Variants in GPC4 observed in about 807,000 individuals in gnomAD.
GPC4 encodes glypican-4.
In GPC4, 10 loss-of-function variants were observed where a neutral mutation model predicts 35.0. The ratio of observed to expected loss-of-function variants is 0.29; its 90% CI spans 0.18 to 0.48. The LOEUF (loss-of-function observed/expected upper bound fraction) is 0.48. Ranked by LOEUF, GPC4 falls within the 20% of genes least tolerant of loss-of-function variation. GPC4 has a pLI of 0.99. For missense variants in GPC4, 322 were observed against 451.3 expected, an observed-to-expected ratio of 0.71 and a Z score of 2.60; for synonymous variants, 167 against 170.2, an observed-to-expected ratio of 0.98 and a Z score of 0.15.
At chrX:133,330,718 C>T (rs749157900) in intron 2 of GPC4, among the ~76,000 whole-genome samples, 1 of 110,371 alleles carries the variant, frequency 9.1e-6, no homozygotes, top group East Asian at 2.9e-4. Context: ...GAGCCCAAGG[C>T]GGGAGGACTG....
intron 1 of GPC4, among the ~76,000 whole-genome samples, chrX:133,377,531 C>T (rs776527519): frequency 2.7e-5 from 3 of 112,193 alleles, no homozygotes; most frequent in South Asian, 7.5e-4. Context: ...TCATGAACAC[C>T]ATCCATCAGT....
intron 1 of GPC4, among the ~76,000 whole-genome samples, chrX:133,354,765 T>G (rs1032957567): frequency 3.8e-5 from 4 of 106,285 alleles, no homozygotes; most frequent in Middle Eastern, 4.7e-3. Context: ...AGACGGGGTT[T>G]CACCTTGTTA....
intron 1 of GPC4, among the ~76,000 whole-genome samples, chrX:133,406,455 T>C (rs2068787600): frequency 8.9e-6 from 1 of 112,278 alleles, no homozygotes; most frequent in South Asian, 3.7e-4. Flanking sequence ...ATCTCAGAGA[T>C]GGAAGGGACC....
chrX:133,404,138 G>A (rs1343755796), intron 1 of GPC4, among the ~76,000 whole-genome samples: 2 of 111,743 alleles, frequency 1.8e-5, no homozygotes, highest in Non-Finnish European at 3.8e-5. Context: ...CACCCTTAAC[G>A]AGGAACCAAC....
intron 2 of GPC4, among the ~76,000 whole-genome samples, chrX:133,335,471 A>G (rs1051144747): frequency 1.8e-5 from 2 of 111,240 alleles, no homozygotes; most frequent in African/African-American, 6.5e-5. Context: ...ACACACACAC[A>G]CGCACACACA....
chrX:133,408,700 C>G, intron 1 of GPC4, among the ~76,000 whole-genome samples: 1 of 110,512 alleles, frequency 9.0e-6, no homozygotes, highest in Non-Finnish European at 1.9e-5. Context: ...CCATTGCACT[C>G]CAGCCTGGGC....
At chrX:133,412,927 A>G (rs2068818840) in intron 1 of GPC4, among the ~76,000 whole-genome samples, 1 of 112,638 alleles carries the variant, frequency 8.9e-6, no homozygotes, top group African/African-American at 3.2e-5. Context: ...TCAAAGGCAC[A>G]TATTGTTTGC....
intron 1 of GPC4, among the ~76,000 whole-genome samples, chrX:133,343,812 AACAAAG>A (rs1227897566): frequency 3.6e-5 from 4 of 111,957 alleles, no homozygotes; most frequent in Non-Finnish European, 7.5e-5. Flanking sequence ...TTCAAAGCTG[AACAAAG>A]ACAATCACAA....
intron 6 of GPC4, 95 bp downstream of exon 6, chrX:133,305,677 C>T (rs748787729): frequency 9.3e-7 from 1 of 1,074,029 alleles, no homozygotes; most frequent in South Asian, 2.1e-5. Flanking sequence ...ACCTGAAAGA[C>T]CCACACTTGT....
At chrX:133,347,313 A>C (rs1401028042) in intron 1 of GPC4, among the ~76,000 whole-genome samples, 1 of 98,432 alleles carries the variant, frequency 1.0e-5, no homozygotes, top group Non-Finnish European at 2.0e-5. Flanking sequence ...CAAATTAAAA[A>C]GCATAAATAC....
At chrX:133,349,275 A>G (rs1412439119) in intron 1 of GPC4, among the ~76,000 whole-genome samples, 5 of 112,393 alleles carry the variant, frequency 4.4e-5, no homozygotes, top group Non-Finnish European at 9.4e-5. Context: ...CGGAGAAAGC[A>G]AAAGGAAGAA....
At chrX:133,384,664 A>T in intron 1 of GPC4, among the ~76,000 whole-genome samples, 1 of 111,548 alleles carries the variant, frequency 9.0e-6, no homozygotes, top group Non-Finnish European at 1.9e-5. Context: ...CAGGTCGGGC[A>T]TCATTTCCCA....
chrX:133,320,369 A>G (rs1357385560), intron 3 of GPC4, among the ~76,000 whole-genome samples: 1 of 111,679 alleles, frequency 9.0e-6, no homozygotes, highest in Admixed American at 9.5e-5. Flanking sequence ...GCTCATGCCT[A>G]TAATTCCAGC....
chrX:133,366,926 T>C (rs1273182002), intron 1 of GPC4, among the ~76,000 whole-genome samples: 3 of 111,419 alleles, frequency 2.7e-5, no homozygotes, highest in Admixed American at 9.6e-5. Context: ...CTCTGATTGG[T>C]TGTATAGGGT....
Position 133,415,216 on chromosome X carries a change from C to T in GPC4, c.-251G>A, listed in dbSNP as rs988316773. The T allele has an allele frequency of 8.2e-6, 3 of 365,193 alleles. No homozygotes were observed. Among genetic ancestry groups the T allele is most frequent in the Admixed American group, 4.7e-5 (1 of 21,090 alleles). The allele number at this position is 365,193 out of a possible 1,213,427, so 30.1% of individuals were successfully genotyped here. A position where few individuals can be genotyped will look rare whatever the true frequency, so the allele number is the denominator to read the frequency against. On this transcript the variant is annotated 5_prime_UTR_variant, in exon 1 of 9. Coordinates refer to ENST00000370828, the MANE Select transcript of GPC4 (RefSeq NM_001448.3). ...AGAAGGAGGGCGTGGAGGCGGCGCG[C>T]GGCCCAGGGAAGCAGAGGCGCGGGC...
chrX:133,352,994 G>C (rs1220121400), intron 1 of GPC4, among the ~76,000 whole-genome samples: 1 of 112,000 alleles, frequency 8.9e-6, no homozygotes, highest in Admixed American at 9.5e-5. Context: ...CCTTAGAGAA[G>C]AAGATGGAAA....
chrX:133,360,041 G>A (rs892350923), intron 1 of GPC4, among the ~76,000 whole-genome samples: 2 of 110,646 alleles, frequency 1.8e-5, no homozygotes, highest in African/African-American at 6.6e-5. Context: ...ATGCTGGGGG[G>A]GGAGAGAAAA....
Position 133,331,591 on chromosome X carries a change from G to T in GPC4, c.320-7055C>A, listed in dbSNP as rs187455227. On this transcript the variant is annotated intron_variant, in intron 2 of 8. Transcript: ENST00000370828. ...GTTCGAGACCAGCCTGACCAATATG[G>T]TGAAACTCTGTCTCTACTAAAAATA... is the stretch of plus-strand genomic sequence containing the variant. Among the ~76,000 whole-genome samples the T allele has an allele frequency of 7.5e-4, 83 of 110,719 alleles. 1 individual carries two copies. In the East Asian group the frequency reaches 0.021, roughly 28 times the overall value.
intron 1 of GPC4, among the ~76,000 whole-genome samples, chrX:133,370,349 A>G (rs1053678548): frequency 8.9e-6 from 1 of 112,195 alleles, no homozygotes; most frequent in African/African-American, 3.2e-5. Flanking sequence ...GAATTGGTTA[A>G]GACTTCCAAG....
Sources: allele counts gnomAD v4.1 joint callset (sites outside exome capture counted in the v4.1 genomes callset), GRCh38; gene constraint gnomAD v4.1.1; transcripts MANE v1.5; gene names NCBI Gene and HGNC (gene_info 2026-07-23, HGNC 2026-07-21).